Variants in RBFOX1 observed in about 807,000 individuals in gnomAD.
RBFOX1 encodes the protein RNA binding fox-1 homolog 1, also known as RNA binding protein fox-1 homolog 1.
Under a neutral mutation model 57.7 loss-of-function variants are expected in RBFOX1, and 8 were observed. That is an observed-to-expected ratio of 0.14 (90% CI 0.08 to 0.25). The LOEUF (loss-of-function observed/expected upper bound fraction) is 0.25, where lower values mean the gene tolerates loss of function less well. Ranked by LOEUF, RBFOX1 falls within the 10% of genes least tolerant of loss-of-function variation. The probability of loss-of-function intolerance (pLI) is 1.00; values close to 1 mark genes in which losing one functional copy is unlikely to be tolerated. For missense variants in RBFOX1, 611 were observed against 548.5 expected (o/e 1.11, Z -1.14); for synonymous variants, 326 against 222.4 (o/e 1.47, Z -4.15).
intron 4 of RBFOX1, among the ~76,000 whole-genome samples, chr16:7,215,911 C>G (rs894631092): frequency 4.6e-5 from 7 of 151,852 alleles, no homozygotes; most frequent in Non-Finnish European, 8.8e-5. Flanking sequence ...TTTTAGTAGA[C>G]ATGGGGTTTC....
At chr16:5,740,609 G>A (rs1341386128) in intron 3 of RBFOX1, among the ~76,000 whole-genome samples, 1 of 152,140 alleles carries the variant, frequency 6.6e-6, no homozygotes, top group African/African-American at 2.4e-5. Context: ...AGAAGCTGTG[G>A]CTTCAGGCAT....
chr16:6,906,080 C>G (rs184680935), intron 3 of RBFOX1, among the ~76,000 whole-genome samples: 1 of 151,430 alleles, frequency 6.6e-6, no homozygotes, highest in Non-Finnish European at 1.5e-5. Flanking sequence ...GATACTTTGT[C>G]TTCGATGGAA....
chr16:7,143,644 C>G (rs1311278915), intron 4 of RBFOX1, among the ~76,000 whole-genome samples: 1 of 152,096 alleles, frequency 6.6e-6, no homozygotes, highest in African/African-American at 2.4e-5. Context: ...GTGAGTGAGT[C>G]TCTGAAACCT....
intron 4 of RBFOX1, among the ~76,000 whole-genome samples, chr16:7,201,955 A>T (rs919437169): frequency 6.6e-5 from 10 of 152,202 alleles, no homozygotes; most frequent in African/African-American, 2.4e-4. Flanking sequence ...GAACTTGCAG[A>T]AGTTTGGGAA....
chr16:5,467,057 C>G (rs912826951), intron 1 of RBFOX1, among the ~76,000 whole-genome samples: 1 of 152,138 alleles, frequency 6.6e-6, no homozygotes, highest in African/African-American at 2.4e-5. Flanking sequence ...ACAACAGAGC[C>G]TGACACATGT....
At chr16:6,984,986 A>AG (rs1487109795) in intron 3 of RBFOX1, among the ~76,000 whole-genome samples, 1 of 151,622 alleles carries the variant, frequency 6.6e-6, no homozygotes, top group East Asian at 1.9e-4. Flanking sequence ...AAAAATCAGG[A>AG]GGGAGGGCTC....
At chr16:6,813,400 G>T (rs1454574248) in intron 3 of RBFOX1, among the ~76,000 whole-genome samples, 1 of 152,080 alleles carries the variant, frequency 6.6e-6, no homozygotes, top group Non-Finnish European at 1.5e-5. Flanking sequence ...GCTCGTATGG[G>T]TTCCCAGGTG....
chr16:6,886,010 C>T (rs183143459), intron 3 of RBFOX1, among the ~76,000 whole-genome samples: 66 of 151,334 alleles, frequency 4.4e-4, no homozygotes, highest in African/African-American at 1.5e-3. Context: ...AAGTTATTAA[C>T]GAGATTTCAT....
chr16:7,452,582 A>C (rs141098266), intron 4 of RBFOX1, among the ~76,000 whole-genome samples: 1 of 152,232 alleles, frequency 6.6e-6, no homozygotes, highest in Non-Finnish European at 1.5e-5. Flanking sequence ...GTGGATTGAT[A>C]TCTTTATTTA....
intron 2 of RBFOX1, among the ~76,000 whole-genome samples, chr16:6,549,886 C>G (rs1031383833): frequency 2.0e-5 from 3 of 152,118 alleles, no homozygotes; most frequent in South Asian, 4.1e-4. Flanking sequence ...CTCATGGACC[C>G]TTACGTACTT....
At chr16:6,859,899 A>G (rs1386478304) in intron 3 of RBFOX1, among the ~76,000 whole-genome samples, 5 of 152,190 alleles carry the variant, frequency 3.3e-5, no homozygotes, top group Admixed American at 6.5e-5. Context: ...ATTGGAGAGA[A>G]GTGTTATTGA....
chr16:6,877,008 A>G (rs34770629), intron 3 of RBFOX1, among the ~76,000 whole-genome samples: 11,202 of 152,258 alleles, frequency 0.074, 489 homozygotes, highest in South Asian at 0.16. Flanking sequence ...ACAAATGCAT[A>G]CTATATTTCT....
At chr16:5,390,472 A>G (rs1401876729) in intron 1 of RBFOX1, among the ~76,000 whole-genome samples, 1 of 151,852 alleles carries the variant, frequency 6.6e-6, no homozygotes, top group Non-Finnish European at 1.5e-5. Flanking sequence ...TATTTTTCGT[A>G]GAGACGGGGT....
intron 4 of RBFOX1, among the ~76,000 whole-genome samples, chr16:7,490,368 G>A (rs775676245): frequency 1.1e-4 from 17 of 152,142 alleles, no homozygotes; most frequent in Non-Finnish European, 2.4e-4. Flanking sequence ...GGCGAGATTA[G>A]GTTTGCAGAA....
At chr16:6,172,463 C>G (rs2096968524) in intron 1 of RBFOX1, among the ~76,000 whole-genome samples, 1 of 152,148 alleles carries the variant, frequency 6.6e-6, no homozygotes, top group Admixed American at 6.5e-5. Flanking sequence ...TCCCATCTTC[C>G]TTGGCTGTCA....
intron 2 of RBFOX1, among the ~76,000 whole-genome samples, chr16:6,652,364 C>T (rs978426101): frequency 1.3e-5 from 2 of 152,086 alleles, no homozygotes; most frequent in Admixed American, 1.3e-4. Flanking sequence ...AGAAGAATCA[C>T]TTGAACCTGG....
At chr16:7,612,661 T>C (rs2057740661) in intron 10 of RBFOX1, among the ~76,000 whole-genome samples, 1 of 152,148 alleles carries the variant, frequency 6.6e-6, no homozygotes, top group Non-Finnish European at 1.5e-5. Context: ...ATAATCACGA[T>C]ATCCAGCCAA....
intron 4 of RBFOX1, among the ~76,000 whole-genome samples, chr16:7,273,561 G>A (rs536057315): frequency 6.6e-6 from 1 of 152,172 alleles, no homozygotes; most frequent in East Asian, 1.9e-4. Context: ...ACCTCTTTGT[G>A]CCTTCATTTT....
intron 3 of RBFOX1, among the ~76,000 whole-genome samples, chr16:5,653,737 C>T (rs939200296): frequency 7.2e-5 from 11 of 152,120 alleles, no homozygotes; most frequent in South Asian, 2.1e-4. Flanking sequence ...TAGAGCCGCT[C>T]ATTTCCACAG....
Sources: allele counts gnomAD v4.1 joint callset (sites outside exome capture counted in the v4.1 genomes callset), GRCh38; gene constraint gnomAD v4.1.1; transcripts MANE v1.5; gene names NCBI Gene and HGNC (gene_info 2026-07-23, HGNC 2026-07-21).